Variants in NT5E observed in about 807,000 individuals in gnomAD.
NT5E encodes the protein 5'-nucleotidase.
A neutral mutation model predicts 55.1 loss-of-function variants in NT5E; 53 were observed. The observed-to-expected ratio is 0.96, with a 90% CI of 0.77 to 1.21. The LOEUF (loss-of-function observed/expected upper bound fraction) is 1.21, where lower values mean the gene tolerates loss of function less well. NT5E is among the 50% of genes most tolerant of loss of function. The pLI, the probability that NT5E is intolerant of heterozygous loss-of-function variation, is 0.00. For synonymous variants in NT5E, 270 were observed against 278.4 expected, an observed-to-expected ratio of 0.97 and a Z score of 0.30; for missense variants, 683 against 724.3, an observed-to-expected ratio of 0.94 and a Z score of 0.65.
chr6:85,470,443 T>TTATTTATA (rs991335821), intron 2 of NT5E, among the ~76,000 whole-genome samples: 2 of 152,192 alleles, frequency 1.3e-5, no homozygotes, highest in African/African-American at 4.8e-5. Flanking sequence ...AATGCTGGCA[T>TTATTTATA]TATTTATATA....
At chr6:85,480,769 TAAACAAACAAAC>T (rs111733798) in intron 3 of NT5E, among the ~76,000 whole-genome samples, 1 of 152,102 alleles carries the variant, frequency 6.6e-6, no homozygotes, top group Admixed American at 6.5e-5. Context: ...ACTAATAGCT[TAAACAAACAAAC>T]AAACAAACAA....
At chr6:85,466,814 G>A (rs1270123903) in intron 1 of NT5E, among the ~76,000 whole-genome samples, 1 of 152,128 alleles carries the variant, frequency 6.6e-6, no homozygotes, top group African/African-American at 2.4e-5. Flanking sequence ...TGGGACAGTG[G>A]ACCCCTGGCC....
At chr6:85,453,429 G>T (rs1582365974) in intron 1 of NT5E, among the ~76,000 whole-genome samples, 1 of 152,154 alleles carries the variant, frequency 6.6e-6, no homozygotes, top group African/African-American at 2.4e-5. Context: ...CAGATTATCT[G>T]ATTCTCACAG....
At chr6:85,478,605 G>C (rs1309114109) in intron 3 of NT5E, among the ~76,000 whole-genome samples, 2 of 152,118 alleles carry the variant, frequency 1.3e-5, no homozygotes, top group African/African-American at 4.8e-5. Context: ...CTGAGCATCA[G>C]CTTTCTTTTT....
Position 85,494,056 on chromosome 6 carries a change from A to G in NT5E, c.*52A>G. ...GTGAAACTGCATTTTTTCAAGTGAGATTCAAATCTGCCTTTTAGGACCTGG... is the reference window on the plus strand; with the variant it reads ...GTGAAACTGCATTTTTTCAAGTGAGGTTCAAATCTGCCTTTTAGGACCTGG... On this transcript the variant is annotated 3_prime_UTR_variant, in exon 9 of 9. Coordinates refer to ENST00000257770, the MANE Select transcript of NT5E (RefSeq NM_002526.4). The G allele has an allele frequency of 6.3e-7, 1 of 1,582,088 alleles. No individual in the cohort carries two copies. Among genetic ancestry groups the G allele is most frequent in the Non-Finnish European group, 8.7e-7 (1 of 1,153,356 alleles).
chr6:85,458,405 GTGC>G (rs780423723), intron 1 of NT5E, among the ~76,000 whole-genome samples: 2 of 152,214 alleles, frequency 1.3e-5, no homozygotes, highest in Non-Finnish European at 2.9e-5. Context: ...GAGCAGAGAG[GTGC>G]TGGATGACCA....
At chr6:85,456,522 C>A (rs1215104765) in intron 1 of NT5E, among the ~76,000 whole-genome samples, 2 of 152,156 alleles carry the variant, frequency 1.3e-5, no homozygotes, top group Non-Finnish European at 2.9e-5. Context: ...TGTCAGAATG[C>A]ATCTGAATTG....
intron 1 of NT5E, among the ~76,000 whole-genome samples, chr6:85,466,003 G>A (rs902989416): frequency 6.6e-5 from 10 of 152,198 alleles, no homozygotes; most frequent in Admixed American, 2.0e-4. Flanking sequence ...GCTGGTTTAA[G>A]TACTAAGTTA....
At chr6:85,470,669 T>C (rs1326112150) in intron 2 of NT5E, among the ~76,000 whole-genome samples, 1 of 152,218 alleles carries the variant, frequency 6.6e-6, no homozygotes, top group Non-Finnish European at 1.5e-5. Flanking sequence ...CTCAAACTCC[T>C]GGCATCAAGT....
At chr6:85,453,228 C>G (rs765324326) in intron 1 of NT5E, among the ~76,000 whole-genome samples, 1 of 152,150 alleles carries the variant, frequency 6.6e-6, no homozygotes, top group Admixed American at 6.5e-5. Flanking sequence ...TGACAGTATG[C>G]GCTTGGCCTG....
At position 85,487,364 on chromosome 6, in the gene NT5E, T is replaced by C. The variant is rs147019457; in HGVS notation, c.979T>C (p.Trp327Arg). ...AAGCATAAAAGCAGACATTAACAAA[T>C]GGAGGATAAAATTGGATAATTATTC... Reference protein sequence around the residue: ...DPSIKADINKWRIKLDNYSTQ... With the variant: ...DPSIKADINKRRIKLDNYSTQ... The change falls in exon 5 of 9, where the codon TGG (tryptophan) becomes CGG (arginine). Residue 327 changes from tryptophan to arginine, a missense_variant. Coordinates refer to ENST00000257770, the MANE Select transcript of NT5E (RefSeq NM_002526.4). 5.0e-5 allele frequency: 80 copies of C among 1,613,652 alleles called. No homozygotes were observed. Among genetic ancestry groups the C allele is most frequent in the Non-Finnish European group, 5.8e-5 (69 of 1,179,668 alleles).
intron 1 of NT5E, among the ~76,000 whole-genome samples, chr6:85,453,918 C>G (rs752841761): frequency 1.3e-5 from 2 of 152,144 alleles, no homozygotes; most frequent in African/African-American, 2.4e-5. Flanking sequence ...CATGCACTTT[C>G]AAAACCTTTG....
chr6:85,467,194 T>G lies in NT5E; in HGVS notation c.474T>G (p.Tyr158Ter). Residue 158 changes from tyrosine (Y) to a stop codon, truncating the protein, a stop_gained, in exon 2 of 9, where the codon TAT (tyrosine) becomes TAG (stop). Coordinates refer to ENST00000257770, the MANE Select transcript of NT5E (RefSeq NM_002526.4). LOFTEE classifies it high-confidence loss of function. ...GPLASQISGL[Y>*]LPYKVLPVGD... Reference sequence around the variant, plus strand: ...TAGCATCTCAAATATCAGGACTTTATTTGCCATATAAAGTTCTTCCTGTTG... The same window carrying G: ...TAGCATCTCAAATATCAGGACTTTAGTTGCCATATAAAGTTCTTCCTGTTG... 2 of 1,614,164 alleles carry G rather than the reference T, an allele frequency of 1.2e-6. No homozygotes were observed. The highest frequency in any genetic ancestry group is 1.7e-6 in the Non-Finnish European group (2 of 1,180,024).
At chr6:85,491,037 T>G (rs762681032) in intron 7 of NT5E, 1 of 531,472 alleles carries the variant, frequency 1.9e-6, no homozygotes, top group Admixed American at 2.0e-5. Context: ...ATGCCAAGAT[T>G]TAAAGGAATG....
In NT5E at chr6:85,495,295, A is replaced by C. The variant is rs370052880; in HGVS notation, c.*1291A>C. On this transcript the variant is annotated 3_prime_UTR_variant, in exon 9 of 9. Coordinates refer to ENST00000257770, the MANE Select transcript of NT5E (RefSeq NM_002526.4). ...AATACCCATGCTGATGAAATGACCT[A>C]TGCCCAAAGAACAAATACTTAACGT... is the stretch of plus-strand genomic sequence containing the variant. 6.6e-6 allele frequency: 1 copy of C among 152,344 alleles called. No individual in the cohort carries two copies. Among genetic ancestry groups the C allele is most frequent in the African/African-American group, 2.4e-5 (1 of 41,566 alleles). 9.4% of individuals were successfully genotyped at this position (152,344 alleles called of 1,614,324 possible).
At chr6:85,458,659 C>A (rs893266728) in intron 1 of NT5E, among the ~76,000 whole-genome samples, 2 of 152,216 alleles carry the variant, frequency 1.3e-5, no homozygotes, top group Non-Finnish European at 2.9e-5. Context: ...TCTTTTCCCT[C>A]ACTTGAATAA....
rs1183651393 is a variant in NT5E, at chr6:85,450,496, G to A, written c.339+18G>A. 4 of 1,568,188 alleles carry A rather than the reference G, an allele frequency of 2.6e-6. No individual in the cohort carries two copies. The highest frequency in any genetic ancestry group is 3.5e-6 in the Non-Finnish European group (4 of 1,156,048). The stretch of plus-strand genomic sequence containing the variant: ...ATGCCATGGTAAGACCCGAGCCCGC[G>A]CCCGGGATAGTAGTCCCGGACTGAG... On this transcript the variant is annotated intron_variant, in intron 1 of 8. Coordinates refer to ENST00000257770, the MANE Select transcript of NT5E (RefSeq NM_002526.4). This position sits in a 1 kb window ranked among gnomAD's most constrained non-coding sequence, Gnocchi z 4.0.
intron 3 of NT5E, among the ~76,000 whole-genome samples, chr6:85,477,568 A>C (rs917371846): frequency 6.6e-6 from 1 of 152,170 alleles, no homozygotes; most frequent in African/African-American, 2.4e-5. Flanking sequence ...GATGGGATGG[A>C]TGCATCCCTG....
chr6:85,452,785 T>C (rs1396366738), intron 1 of NT5E, among the ~76,000 whole-genome samples: 1 of 152,148 alleles, frequency 6.6e-6, no homozygotes, highest in Non-Finnish European at 1.5e-5. Flanking sequence ...CCTCAGAGAA[T>C]TTATTGCTGT....
Sources: gnomAD v4.1 joint callset for allele counts (sites outside exome capture counted in the v4.1 genomes callset) on GRCh38, gnomAD v4.1.1 for gene constraint, Gnocchi (gnomAD v3.1) non-coding constraint, MANE v1.5 for transcripts, NCBI Gene and HGNC (gene_info 2026-07-23, HGNC 2026-07-21) for gene names.